CEP128: variants seen among roughly 807,000 people sequenced by gnomAD.
CEP128 encodes centrosomal protein 128kDa.
Under a neutral mutation model 156.7 loss-of-function variants are expected in CEP128, and 132 were observed. That is an observed-to-expected ratio of 0.84 (90% confidence interval 0.73 to 0.97). The LOEUF (loss-of-function observed/expected upper bound fraction) is 0.97, where lower values mean the gene tolerates loss of function less well. Ranked by LOEUF, CEP128 falls within the 50% of genes least tolerant of loss-of-function variation. The pLI, the probability that CEP128 is intolerant of heterozygous loss-of-function variation, is 0.00. For missense variants in CEP128, 1,252 were observed against 1,281.9 expected (o/e 0.98, Z 0.36); for synonymous variants, 469 against 448.9 (o/e 1.04, Z -0.57).
At chr14:80,478,348 A>C (rs1274236168) in exon 15 of CEP128, 1 of 152,154 alleles carries the variant, frequency 6.6e-6, no homozygotes, top group Non-Finnish European at 1.5e-5. Flanking sequence ...TAAGCAGTGT[A>C]GTGTGGTTGA....
chr14:80,581,083 G>T (rs1261578676), intron 19 of CEP128, among the ~76,000 whole-genome samples: 1 of 152,168 alleles, frequency 6.6e-6, no homozygotes, highest in African/African-American at 2.4e-5. Flanking sequence ...CTGTCTTAAT[G>T]CATGTATACA....
intron 19 of CEP128, among the ~76,000 whole-genome samples, chr14:80,640,929 A>T (rs1340534866): frequency 6.6e-6 from 1 of 152,204 alleles, no homozygotes; most frequent in African/African-American, 2.4e-5. Flanking sequence ...CCAGATAAAT[A>T]TCCAGCTCTG....
intron 9 of CEP128, among the ~76,000 whole-genome samples, chr14:80,846,455 G>C (rs1252733264): frequency 1.1e-5 from 1 of 95,108 alleles, no homozygotes; most frequent in Non-Finnish European, 2.3e-5. Flanking sequence ...GATAAAAGAA[G>C]AACAAAAGTC....
chr14:80,791,518 CAATT>C (rs1421507046), intron 14 of CEP128, among the ~76,000 whole-genome samples: 1 of 152,148 alleles, frequency 6.6e-6, no homozygotes, highest in Non-Finnish European at 1.5e-5. Context: ...TTCAATCAAT[CAATT>C]CTCTCAACCA....
At chr14:80,566,255 A>C (rs1372267676) in intron 20 of CEP128, among the ~76,000 whole-genome samples, 1 of 152,156 alleles carries the variant, frequency 6.6e-6, no homozygotes, top group Non-Finnish European at 1.5e-5. Flanking sequence ...TACTTCCTAA[A>C]TAAACCCTAT....
chr14:80,549,711 T>C (rs539629573), intron 21 of CEP128, among the ~76,000 whole-genome samples: 1 of 152,324 alleles, frequency 6.6e-6, no homozygotes, highest in South Asian at 2.1e-4. Context: ...CTAACTCATT[T>C]GGGTCTATAT....
At chr14:80,761,415 T>A (rs773294254) in intron 17 of CEP128, 22 bp downstream of exon 17, 1 of 1,526,108 alleles carries the variant, frequency 6.6e-7, no homozygotes. Context: ...AAATATAAGG[T>A]GCAATGAGAA....
At chr14:80,873,349 C>T (rs1274051545) in intron 8 of CEP128, among the ~76,000 whole-genome samples, 1 of 152,142 alleles carries the variant, frequency 6.6e-6, no homozygotes, top group African/African-American at 2.4e-5. Flanking sequence ...TCAGTGGCTA[C>T]ATTTTAAATA....
chr14:80,792,475 A>T (rs1901760726), intron 14 of CEP128, among the ~76,000 whole-genome samples: 2 of 152,240 alleles, frequency 1.3e-5, no homozygotes, highest in Non-Finnish European at 2.9e-5. Context: ...AGAAGATTAA[A>T]CAATAATTCA....
chr14:80,514,053 T>A (rs1488184710), intron 23 of CEP128, among the ~76,000 whole-genome samples: 1 of 152,196 alleles, frequency 6.6e-6, no homozygotes, highest in Non-Finnish European at 1.5e-5. Flanking sequence ...CCACAATCTT[T>A]TATCTTTACC....
chr14:80,629,855 C>G lies in CEP128; in HGVS notation c.2807-49432G>C, dbSNP rs867313587. ...AGGAATAACATGAGAACTAGGTGCCCTGGTAACAAAACATTTTGAATTGGT... is the reference window on the plus strand; with the variant it reads ...AGGAATAACATGAGAACTAGGTGCCGTGGTAACAAAACATTTTGAATTGGT... On this transcript the variant is annotated intron_variant, in intron 19 of 24. Transcript: ENST00000555265. 2.5e-4 allele frequency among the ~76,000 whole-genome samples: 38 copies of G among 151,894 alleles called. No individual in the cohort carries two copies. In the Middle Eastern group the frequency reaches 0.024, roughly 95 times the overall value.
Position 80,916,425 on chromosome 14 carries a change from G to A in CEP128, c.123C>T (p.Val41=). The part of the protein sequence containing the change: ...SLPTVEVTEK[V]NTITSTLQDT... ...CCTGTAAAGTACTTGTTATAGTGTT[G>A]ACCTTCTCGGTAACTTCTACTGTAG... Residue 41 remains valine, a synonymous_variant, in exon 3 of 25, where the codon GTC becomes GTT. Coordinates refer to ENST00000555265, the MANE Select transcript of CEP128 (RefSeq NM_152446.5). 1 of 1,613,878 alleles carries A rather than the reference G, an allele frequency of 6.2e-7. No individual in the cohort carries two copies. The highest frequency in any genetic ancestry group is 8.5e-7 in the Non-Finnish European group (1 of 1,179,876).
rs553618742 is a variant in CEP128, at chr14:80,780,207, A to G, written c.2212-2161T>C. On this transcript the variant is annotated intron_variant, in intron 15 of 24. Coordinates refer to ENST00000555265, the MANE Select transcript of CEP128 (RefSeq NM_152446.5). ...AGAGCTTATTAGACTCAAAAATGTAATAAGTTCAAATGAAGCTGAAAGACA... is the reference window on the plus strand; with the variant it reads ...AGAGCTTATTAGACTCAAAAATGTAGTAAGTTCAAATGAAGCTGAAAGACA... 4.6e-5 allele frequency among the ~76,000 whole-genome samples: 7 copies of G among 152,340 alleles called. No individual in the cohort carries two copies. In the East Asian group the frequency reaches 1.3e-3, roughly 29 times the overall value.
chr14:80,945,846 T>C (rs1328905786), upstream of CEP128: 1 of 152,166 alleles, frequency 6.6e-6, no homozygotes, highest in African/African-American at 2.4e-5. Context: ...CCCAAGAGAA[T>C]ACAGCCCCCG....
intron 19 of CEP128, among the ~76,000 whole-genome samples, chr14:80,691,554 G>A (rs1285411977): frequency 6.6e-6 from 1 of 152,022 alleles, no homozygotes; most frequent in Non-Finnish European, 1.5e-5. Context: ...AAAGAAAACT[G>A]GCTTCTTCTC....
downstream of CEP128, among the ~76,000 whole-genome samples, chr14:80,493,536 C>T (rs143186461): frequency 9.1e-4 from 138 of 152,296 alleles, no homozygotes; most frequent in African/African-American, 2.9e-3. Flanking sequence ...TTTGCACCCA[C>T]GTTAGAATAC....
chr14:80,559,306 C>T lies in CEP128; in HGVS notation c.2857-4G>A. On this transcript the variant is annotated splice_region_variant and splice_polypyrimidine_tract_variant and intron_variant, in intron 20 of 24. Transcript: ENST00000555265. ...TTTCTAATGCAATTACACGGTCCTGCAAAGAAAGCATAATATATAATTATA... is the reference window on the plus strand; with the variant it reads ...TTTCTAATGCAATTACACGGTCCTGTAAAGAAAGCATAATATATAATTATA... 1.3e-6 allele frequency: 2 copies of T among 1,595,456 alleles called. No individual in the cohort carries two copies. Among genetic ancestry groups the T allele is most frequent in the African/African-American group, 1.4e-5 (1 of 73,918 alleles).
intron 21 of CEP128, among the ~76,000 whole-genome samples, chr14:80,536,545 AC>A (rs1216018933): frequency 6.6e-6 from 1 of 152,226 alleles, no homozygotes; most frequent in Non-Finnish European, 1.5e-5. Flanking sequence ...AACTTTCCTG[AC>A]AAATGGCTGA....
intron 19 of CEP128, among the ~76,000 whole-genome samples, chr14:80,725,891 T>G (rs1050533106): frequency 1.3e-5 from 2 of 152,242 alleles, no homozygotes; most frequent in African/African-American, 4.8e-5. Flanking sequence ...CTGAAAATGC[T>G]TTTGTTTCCC....
Sources: gnomAD v4.1 joint callset for allele counts (sites outside exome capture counted in the v4.1 genomes callset) on GRCh38, gnomAD v4.1.1 for gene constraint, MANE v1.5 for transcripts, NCBI Gene and HGNC (gene_info 2026-07-23, HGNC 2026-07-21) for gene names.